The following AFTPH variants were observed in gnomAD, a reference collection of about 807,000 sequenced individuals.
The protein encoded by AFTPH is aftiphilin protein.
In AFTPH, 7 loss-of-function variants were observed where a neutral mutation model predicts 72.5. The observed-to-expected ratio is 0.10, with a 90% CI of 0.05 to 0.18. AFTPH has a LOEUF of 0.18. Ranked by LOEUF, AFTPH falls within the 10% of genes least tolerant of loss-of-function variation. The pLI is 1.00. For synonymous variants in AFTPH, 337 were observed against 370.1 expected, an observed-to-expected ratio of 0.91 and a Z score of 1.03; for missense variants, 979 against 1,060.5, an observed-to-expected ratio of 0.92 and a Z score of 1.07.
intron 2 of AFTPH, among the ~76,000 whole-genome samples, chr2:64,567,305 C>A (rs1488879052): frequency 1.3e-5 from 2 of 152,114 alleles, no homozygotes; most frequent in East Asian, 3.9e-4. Context: ...TAAGATAATG[C>A]ATGTAAAGTA....
At chr2:64,569,507 T>C in intron 4 of AFTPH, 116 bp from the exon 5 acceptor site, 1 of 1,216,170 alleles carries the variant, frequency 8.2e-7, no homozygotes, top group Non-Finnish European at 1.2e-6. Flanking sequence ...TTAAGTTTCA[T>C]CAATTTATCA....
At chr2:64,569,851 G>C (rs1573012605) in intron 5 of AFTPH, among the ~76,000 whole-genome samples, 172 bp downstream of exon 5, 1 of 152,108 alleles carries the variant, frequency 6.6e-6, no homozygotes, top group East Asian at 1.9e-4. Context: ...TTGATCACAG[G>C]ACTTTTAAAA....
chr2:64,560,566 T>A (rs1671660120), intron 2 of AFTPH, among the ~76,000 whole-genome samples: 1 of 152,112 alleles, frequency 6.6e-6, no homozygotes, highest in African/African-American at 2.4e-5. Flanking sequence ...ATGTGTTTTT[T>A]GGTTAACAGG....
At chr2:64,579,008 TGAAA>T in intron 6 of AFTPH, 1 of 152,828 alleles carries the variant, frequency 6.5e-6, no homozygotes, top group South Asian at 2.1e-4. Flanking sequence ...AATTTCTAAA[TGAAA>T]GAAGTTGATT....
intron 2 of AFTPH, among the ~76,000 whole-genome samples, chr2:64,564,629 A>T (rs1363455411): frequency 7.0e-6 from 1 of 142,334 alleles, no homozygotes; most frequent in African/African-American, 2.9e-5. Context: ...AATAAAAAAT[A>T]AAAAATAAAA....
Position 64,527,244 on chromosome 2 carries a change from T to C in AFTPH, c.-33+2632T>C, listed in dbSNP as rs150179531. 6.8e-3 allele frequency among the ~76,000 whole-genome samples: 1,029 copies of C among 152,300 alleles called. 3 individuals carry two copies. The highest frequency in any genetic ancestry group is 0.011 in the Non-Finnish European group (726 of 68,024). On this transcript the variant is annotated intron_variant, in intron 1 of 8. Coordinates refer to ENST00000238856, the Ensembl canonical transcript of AFTPH. Reference sequence around the variant, plus strand: ...TGGTTACTGGCTCATTCATTATGGCTTTTTTCTCCCTAAGGTTTGCATGAA... The same window carrying C: ...TGGTTACTGGCTCATTCATTATGGCCTTTTTCTCCCTAAGGTTTGCATGAA...
chr2:64,577,371 G>T (rs1264816920), intron 6 of AFTPH, among the ~76,000 whole-genome samples: 3 of 151,286 alleles, frequency 2.0e-5, no homozygotes, highest in African/African-American at 7.4e-5. Context: ...GTTAAATGTC[G>T]ATTCGTGTTT....
chr2:64,589,192 T>G (rs910035586), intron 8 of AFTPH, among the ~76,000 whole-genome samples: 4 of 152,228 alleles, frequency 2.6e-5, no homozygotes, highest in Admixed American at 6.5e-5. Flanking sequence ...TACATTTAGG[T>G]CTTTAATCCA....
At chr2:64,526,850 C>A (rs755004015) in intron 1 of AFTPH, among the ~76,000 whole-genome samples, 20 of 152,314 alleles carry the variant, frequency 1.3e-4, no homozygotes, top group South Asian at 6.2e-4. Flanking sequence ...TCAATCCACA[C>A]AACAACCTGT....
chr2:64,538,608 G>T (rs116389214), intron 1 of AFTPH, among the ~76,000 whole-genome samples: 2,093 of 152,232 alleles, frequency 0.014, 27 homozygotes, highest in Non-Finnish European at 0.021. Context: ...TAATTGTTTT[G>T]TTTCCTTCTG....
At chr2:64,555,835 A>G (rs2103963881) in intron 2 of AFTPH, among the ~76,000 whole-genome samples, 1 of 152,218 alleles carries the variant, frequency 6.6e-6, no homozygotes, top group East Asian at 1.9e-4. Context: ...TGTGAAAGAG[A>G]ATTGCGGCTG....
In AFTPH at chr2:64,579,660, T is replaced by C. The variant is rs573761502; in HGVS notation, c.2455+114T>C. The C allele has an allele frequency of 4.4e-6, 4 of 915,774 alleles. No homozygotes were observed. The East Asian group carries it at 7.5e-5, about 17-fold the overall frequency. The allele number at this position is 915,774 out of a possible 1,614,324, so 56.7% of individuals were successfully genotyped here. A position where few individuals can be genotyped will look rare whatever the true frequency, so the allele number is the denominator to read the frequency against. On this transcript the variant is annotated intron_variant, in intron 7 of 8. Coordinates refer to ENST00000238856, the Ensembl canonical transcript of AFTPH. ...TTTGTTTGAACATAACTTATTCTTA[T>C]CTTTGGAAATTCAGGCTTTCTTTCT... is the stretch of plus-strand genomic sequence containing the variant.
At chr2:64,534,373 C>T (rs1002957707) in intron 1 of AFTPH, among the ~76,000 whole-genome samples, 1 of 150,852 alleles carries the variant, frequency 6.6e-6, no homozygotes. Flanking sequence ...TATCTTCATT[C>T]AAAAAAAAAT....
At chr2:64,587,921 A>C (rs1673604098) in intron 8 of AFTPH, among the ~76,000 whole-genome samples, 1 of 152,130 alleles carries the variant, frequency 6.6e-6, no homozygotes, top group Non-Finnish European at 1.5e-5. Flanking sequence ...ACTGAAGTTT[A>C]TGCAGGTCAA....
chr2:64,586,616 A>T (rs928467743), intron 8 of AFTPH, among the ~76,000 whole-genome samples: 5 of 152,216 alleles, frequency 3.3e-5, no homozygotes, highest in African/African-American at 1.2e-4. Flanking sequence ...ATTATACATT[A>T]GACTACCCTT....
At chr2:64,550,447 AAGCC>A (rs1670958677) in intron 1 of AFTPH, among the ~76,000 whole-genome samples, 1 of 152,166 alleles carries the variant, frequency 6.6e-6, no homozygotes, top group Middle Eastern at 3.2e-3. Flanking sequence ...CTGAGGGAAA[AAGCC>A]AGCTTCAAAG....
At chr2:64,545,167 GA>G (rs1316016346) in intron 1 of AFTPH, among the ~76,000 whole-genome samples, 7 of 151,356 alleles carry the variant, frequency 4.6e-5, no homozygotes, top group Admixed American at 2.0e-4. Flanking sequence ...ATTAGGCTAG[GA>G]AAAAAAAGCC....
intron 1 of AFTPH, among the ~76,000 whole-genome samples, chr2:64,544,676 C>G (rs183193987): frequency 7.1e-6 from 1 of 140,860 alleles, no homozygotes; most frequent in East Asian, 2.1e-4. Context: ...TTTGTAAATT[C>G]ATTATACAAG....
rs557216901 is a variant in AFTPH at position 64,579,810 on chromosome 2, ATATCTAGGTAG to A, written c.2455+266_2455+276del. Reference sequence around the variant, plus strand: ...AAGTAAGCTTCTTTATTTTTTACAAATATCTAGGTAGTTTAAAAGGTATTTTAGCTAGGACC... The same window carrying A: ...AAGTAAGCTTCTTTATTTTTTACAAATTTAAAAGGTATTTTAGCTAGGACC... On this transcript the variant is annotated intron_variant, in intron 7 of 8. Transcript: ENST00000238856. 8.5e-5 allele frequency: 28 copies of A among 331,158 alleles called. No homozygotes were observed. In the South Asian group the frequency reaches 1.6e-3, roughly 19 times the overall value. 20.5% of individuals were successfully genotyped at this position (331,158 alleles called of 1,614,324 possible).
Sources: gnomAD v4.1 joint callset for allele counts (sites outside exome capture counted in the v4.1 genomes callset) on GRCh38, gnomAD v4.1.1 for gene constraint, MANE v1.5 for transcripts, NCBI Gene and HGNC (gene_info 2026-07-23, HGNC 2026-07-21) for gene names.